The following ELOVL6 variants were observed in gnomAD, a reference collection of about 807,000 sequenced individuals.
ELOVL6 encodes very long chain fatty acid elongase 6.
In ELOVL6, 8 loss-of-function variants were observed where a neutral mutation model predicts 31.7. The observed-to-expected ratio is 0.25, with a 90% CI of 0.15 to 0.45. The LOEUF (loss-of-function observed/expected upper bound fraction) is 0.45, where lower values mean the gene tolerates loss of function less well. Ranked by LOEUF, ELOVL6 falls within the 20% of genes least tolerant of loss-of-function variation. The pLI is 1.00. For missense variants in ELOVL6, 126 were observed against 326.4 expected, an observed-to-expected ratio of 0.39 and a Z score of 4.73; for synonymous variants, 101 against 117.7, an observed-to-expected ratio of 0.86 and a Z score of 0.92.
intron 3 of ELOVL6, among the ~76,000 whole-genome samples, chr4:110,055,936 A>G (rs556554193): frequency 6.6e-6 from 1 of 152,276 alleles, no homozygotes; most frequent in East Asian, 1.9e-4. Flanking sequence ...TTTTCTGCTG[A>G]AACAGAAAGG....
chr4:110,126,774 TAGA>T (rs1757509685), intron 1 of ELOVL6, among the ~76,000 whole-genome samples: 1 of 152,184 alleles, frequency 6.6e-6, no homozygotes, highest in African/African-American at 2.4e-5. Context: ...GTAAAAGTCT[TAGA>T]AGATTTTTAA....
At chr4:110,135,381 T>C (rs1757783805) in intron 1 of ELOVL6, among the ~76,000 whole-genome samples, 1 of 152,214 alleles carries the variant, frequency 6.6e-6, no homozygotes, top group Non-Finnish European at 1.5e-5. Flanking sequence ...GCATAACTTG[T>C]AAGAAATGGA....
intron 1 of ELOVL6, among the ~76,000 whole-genome samples, chr4:110,108,115 T>C (rs1385115437): frequency 1.3e-5 from 2 of 152,202 alleles, no homozygotes; most frequent in Non-Finnish European, 2.9e-5. Context: ...CCCATCTTCA[T>C]GTTTCTACTG....
rs1553956096 is a variant in ELOVL6 at position 110,084,344 on chromosome 4, G to GATATATGATATATATCAC, written c.221+21152_221+21153insGTGATATATATCATATAT. 2.1e-4 allele frequency among the ~76,000 whole-genome samples: 19 copies of GATATATGATATATATCAC among 88,420 alleles called. 3 individuals are homozygous for GATATATGATATATATCAC. Among genetic ancestry groups the GATATATGATATATATCAC allele is most frequent in the Non-Finnish European group, 3.7e-4 (16 of 43,208 alleles). 58.0% of individuals were successfully genotyped at this position (88,420 alleles called of 152,430 possible). A position where few individuals can be genotyped will look rare whatever the true frequency, so the allele number is the denominator to read the frequency against. ...TAAATTTGATATATATCACATATAT[G>GATATATGATATATATCAC]ATATATGATATATACCGCATATATG... On this transcript the variant is annotated intron_variant, in intron 2 of 3. Transcript: ENST00000302274.
At chr4:110,085,008 A>G (rs1013663067) in intron 2 of ELOVL6, among the ~76,000 whole-genome samples, 4 of 152,098 alleles carry the variant, frequency 2.6e-5, no homozygotes, top group African/African-American at 9.7e-5. Context: ...TTAATTATTC[A>G]CTTATTTGTG....
chr4:110,178,806 G>A (rs1759191612), intron 1 of ELOVL6, among the ~76,000 whole-genome samples: 1 of 152,088 alleles, frequency 6.6e-6, no homozygotes, highest in South Asian at 2.1e-4. Context: ...CAGCCTCGGT[G>A]ACAGAGAGAG....
intron 1 of ELOVL6, among the ~76,000 whole-genome samples, chr4:110,163,218 TCTC>T (rs1051483656): frequency 6.6e-6 from 1 of 152,156 alleles, no homozygotes; most frequent in African/African-American, 2.4e-5. Context: ...GGATCTCTCT[TCTC>T]CTAGATGGGC....
intron 2 of ELOVL6, among the ~76,000 whole-genome samples, chr4:110,098,345 T>C (rs1756649832): frequency 6.6e-6 from 1 of 152,198 alleles, no homozygotes; most frequent in Non-Finnish European, 1.5e-5. Flanking sequence ...CAGTATGACC[T>C]GAATCTTATA....
chr4:110,168,184 T>C (rs1758837829), intron 1 of ELOVL6, among the ~76,000 whole-genome samples: 1 of 152,148 alleles, frequency 6.6e-6, no homozygotes, highest in Non-Finnish European at 1.5e-5. Flanking sequence ...TTTTAGCTTA[T>C]TGCATGAGAA....
At chr4:110,111,378 G>A (rs1296095009) in intron 1 of ELOVL6, among the ~76,000 whole-genome samples, 1 of 142,794 alleles carries the variant, frequency 7.0e-6, no homozygotes, top group Non-Finnish European at 1.5e-5. Flanking sequence ...TTCAGTAGCT[G>A]ATGAAAATGT....
intron 1 of ELOVL6, among the ~76,000 whole-genome samples, chr4:110,149,140 G>A (rs1672510556): frequency 6.6e-6 from 1 of 152,192 alleles, no homozygotes; most frequent in Non-Finnish European, 1.5e-5. Flanking sequence ...GGGATTACAG[G>A]TGTGAGCCAC....
intron 1 of ELOVL6, among the ~76,000 whole-genome samples, chr4:110,128,874 A>C (rs1375632499): frequency 1.3e-5 from 2 of 152,244 alleles, no homozygotes; most frequent in Admixed American, 1.3e-4. Flanking sequence ...CTTGTAAAGG[A>C]AACTTCTCAG....
In ELOVL6 at chr4:110,155,953, A is replaced by G. The variant is rs34505563; in HGVS notation, c.89+42294T>C. Among the ~76,000 whole-genome samples, 695 of 152,372 alleles carry G rather than the reference A, an allele frequency of 4.6e-3. 35 individuals are homozygous for G. The East Asian group carries it at 0.095, about 21-fold the overall frequency. ...AATGAGCGTTGCTACAAGGCAGTAT[A>G]GGAATAATAAAGCACACAGGCATTT... is the stretch of plus-strand genomic sequence containing the variant. On this transcript the variant is annotated intron_variant, in intron 1 of 3. Coordinates refer to ENST00000302274, the MANE Select transcript of ELOVL6 (RefSeq NM_024090.3).
intron 1 of ELOVL6, among the ~76,000 whole-genome samples, chr4:110,133,133 C>T (rs530386656): frequency 6.6e-6 from 1 of 152,152 alleles, no homozygotes; most frequent in Non-Finnish European, 1.5e-5. Context: ...TAAGAAGACA[C>T]ATTCAAGAGG....
intron 1 of ELOVL6, among the ~76,000 whole-genome samples, chr4:110,109,963 A>C (rs536371529): frequency 9.2e-5 from 14 of 152,180 alleles, no homozygotes; most frequent in Non-Finnish European, 1.6e-4. Context: ...GTGAGGGGAA[A>C]AAATGAAAAG....
intron 1 of ELOVL6, among the ~76,000 whole-genome samples, chr4:110,158,657 A>ATATATATATATATATATATTTTT: frequency 3.6e-4 from 27 of 74,150 alleles, no homozygotes; most frequent in Non-Finnish European, 6.0e-4. Flanking sequence ...ATATATATAT[A>ATATATATATATATATATATTTTT]TTTTTTTTTT....
Position 110,198,351 on chromosome 4 carries a change from GA to G in ELOVL6, c.-17del. On this transcript the variant is annotated 5_prime_UTR_variant, in exon 1 of 4. Transcript: ENST00000302274. ...ACATGTTCATTGGGGCTGATCTTCG[GA>G]GTCGCTACGTGTTCTCTATACAAAA... The G allele has an allele frequency of 6.8e-7, 1 of 1,462,408 alleles. No individual in the cohort carries two copies. The allele number at this position is 1,462,408 out of a possible 1,614,324, so 90.6% of individuals were successfully genotyped here.
At chr4:110,056,500 A>C (rs1156980851) in intron 3 of ELOVL6, among the ~76,000 whole-genome samples, 1 of 152,126 alleles carries the variant, frequency 6.6e-6, no homozygotes, top group Non-Finnish European at 1.5e-5. Context: ...GAGGAGCTCC[A>C]GAGTATTTGA....
chr4:110,198,586 A>G lies in ELOVL6; in HGVS notation c.-251T>C, dbSNP rs533612374. ...TCCTCCCGGCGTCCGCATCCACCGT[A>G]GGAGGAAATGAATGCCTTGCGGTCT... On this transcript the variant is annotated 5_prime_UTR_variant, in exon 1 of 4. Coordinates refer to ENST00000302274, the MANE Select transcript of ELOVL6 (RefSeq NM_024090.3). The G allele has an allele frequency of 5.1e-4, 230 of 454,128 alleles. No homozygotes were observed. Among genetic ancestry groups the G allele is most frequent in the Non-Finnish European group, 6.3e-4 (162 of 255,968 alleles). The allele number at this position is 454,128 out of a possible 1,614,324, so 28.1% of individuals were successfully genotyped here.
Sources: gnomAD v4.1 joint callset for allele counts (sites outside exome capture counted in the v4.1 genomes callset) on GRCh38, gnomAD v4.1.1 for gene constraint, MANE v1.5 for transcripts, NCBI Gene and HGNC (gene_info 2026-07-23, HGNC 2026-07-21) for gene names.